Variants in ZNF160 observed in about 807,000 individuals in gnomAD.
ZNF160 encodes zinc finger protein 160.
Under a neutral mutation model 13.1 loss-of-function variants are expected in ZNF160, and 9 were observed. That is an observed-to-expected ratio of 0.69 (90% CI 0.41 to 1.20). The LOEUF (loss-of-function observed/expected upper bound fraction) is 1.20, where lower values mean the gene tolerates loss of function less well. ZNF160 is among the 50% of genes most tolerant of loss of function. The pLI, the probability that ZNF160 is intolerant of heterozygous loss-of-function variation, is 0.01. For missense variants in ZNF160, 838 were observed against 988.0 expected, an observed-to-expected ratio of 0.85 and a Z score of 2.04; for synonymous variants, 293 against 333.2, an observed-to-expected ratio of 0.88 and a Z score of 1.31.
At chr19:53,070,401 T>A in intron 5 of ZNF160, 139 bp from the exon 6 acceptor site, 4 of 965,108 alleles carry the variant, frequency 4.1e-6, no homozygotes, top group Non-Finnish European at 2.9e-6. Context: ...ATTTCAATTG[T>A]TAGGAACAAA....
chr19:53,074,199 C>T lies in ZNF160; in HGVS notation c.212G>A (p.Ser71Asn). The T allele has an allele frequency of 6.2e-7, 1 of 1,614,096 alleles. No homozygotes were observed. Among genetic ancestry groups the T allele is most frequent in the Non-Finnish European group, 8.5e-7 (1 of 1,180,008 alleles). The change falls in exon 5 of 6, where the codon AGC becomes AAC. Residue 71 changes from serine to asparagine, a missense_variant. This residue lies in a region of ZNF160 where 387 missense variants were observed against 402.3 expected (regional missense o/e 0.96). Transcript: ENST00000683776. The part of the protein sequence containing the change: ...EEGKEPWTVK[S>N]CVKIARKPRT... ...TGGTTTTCTTGCTATTTTCACACAG[C>T]TCTTCACAGTCCAGGGCTCTTTCCC...
rs2085411459 is a variant in ZNF160 at position 53,100,631 on chromosome 19, G to A, written c.-354+2634C>T. Among the ~76,000 whole-genome samples the A allele has an allele frequency of 2.0e-5, 3 of 151,356 alleles. No individual in the cohort carries two copies. The South Asian group carries it at 6.3e-4, about 32-fold the overall frequency. ...TCTCCAAAAAAAAATTAGTTAATAG[G>A]TTCTTATGTTAACGTTAAAAAAAAA... On this transcript the variant is annotated intron_variant, in intron 1 of 5. Transcript: ENST00000683776.
chr19:53,077,860 AAAC>A (rs2084460987), intron 3 of ZNF160, among the ~76,000 whole-genome samples: 1 of 152,042 alleles, frequency 6.6e-6, no homozygotes, highest in Non-Finnish European at 1.5e-5. Context: ...AAAATCAGAA[AAAC>A]AATAAATATG....
intron 1 of ZNF160, among the ~76,000 whole-genome samples, chr19:53,098,248 G>A (rs963356657): frequency 3.9e-5 from 6 of 152,140 alleles, no homozygotes; most frequent in Non-Finnish European, 8.8e-5. Context: ...GGTGCATGCA[G>A]CATTCATCCA....
chr19:53,090,403 G>A (rs923674849), intron 2 of ZNF160, among the ~76,000 whole-genome samples: 2 of 152,026 alleles, frequency 1.3e-5, no homozygotes, highest in African/African-American at 4.8e-5. Flanking sequence ...CATCCTCTGC[G>A]TTGCCATCTG....
At chr19:53,073,529 G>A in intron 5 of ZNF160, 1 of 1,591,018 alleles carries the variant, frequency 6.3e-7, no homozygotes, top group Non-Finnish European at 8.5e-7. Flanking sequence ...ACAGGAAATG[G>A]GGTGGAACAT....
rs2084079904 is a variant in ZNF160, at chr19:53,069,399, T to C, written c.1135A>G (p.Thr379Ala). The C allele has an allele frequency of 1.9e-6, 3 of 1,614,122 alleles. No individual in the cohort carries two copies. The highest frequency in any genetic ancestry group is 2.5e-6 in the Non-Finnish European group (3 of 1,180,014). ...FKCNECGKLF[T>A]QNSHLISHWR... ...TGACTTATAAGGTGTGAATTTTGAG[T>C]GAAGAGCTTGCCACATTCATTACAT... Residue 379 changes from threonine to alanine, a missense_variant, in exon 6 of 6, where the codon ACT becomes GCT. Thr to Ala is a moderately conservative substitution (Grantham distance 58). Coordinates refer to ENST00000683776, the MANE Select transcript of ZNF160 (RefSeq NM_001322131.2). This position sits in a 1 kb window ranked among gnomAD's most constrained non-coding sequence, Gnocchi z 4.4.
In ZNF160 at chr19:53,068,083, G is replaced by T. The variant is rs1168469018; in HGVS notation, c.2451C>A (p.Tyr817Ter). The T allele has an allele frequency of 1.9e-6, 3 of 1,601,356 alleles. No homozygotes were observed. Among genetic ancestry groups the T allele is most frequent in the Non-Finnish European group, 2.6e-6 (3 of 1,173,178 alleles). The part of the protein sequence containing the change: ...HHRMHTGEKP[Y>*]K ...CCTAATGACCTCACCACACTCATTT[G>T]TAAGGTTTCTCTCCGGTATGCATTC... Residue 817 changes from tyrosine (Y) to a stop codon, truncating the protein, a stop_gained, in exon 6 of 6, where the codon TAC becomes TAA. Coordinates refer to ENST00000683776, the MANE Select transcript of ZNF160 (RefSeq NM_001322131.2). LOFTEE classifies it high-confidence loss of function.
chr19:53,073,096 T>C, intron 5 of ZNF160: 1 of 1,036,094 alleles, frequency 9.7e-7, no homozygotes, highest in Non-Finnish European at 1.3e-6. Flanking sequence ...TTACTCCTAA[T>C]GTTTTCACCC....
intron 1 of ZNF160, among the ~76,000 whole-genome samples, chr19:53,099,836 C>T (rs568177409): frequency 2.0e-5 from 3 of 152,052 alleles, no homozygotes; most frequent in Non-Finnish European, 4.4e-5. Flanking sequence ...GAGGGCTAGA[C>T]GGGGAGATGT....
At chr19:53,086,088 A>G in intron 3 of ZNF160, 174 bp downstream of exon 3, 1 of 1,359,904 alleles carries the variant, frequency 7.4e-7, no homozygotes, top group Non-Finnish European at 1.0e-6. Flanking sequence ...AGTTCATGTC[A>G]CTGGATCACG....
At chr19:53,092,196 C>T (rs2085060037) in intron 1 of ZNF160, among the ~76,000 whole-genome samples, 1 of 152,080 alleles carries the variant, frequency 6.6e-6, no homozygotes, top group African/African-American at 2.4e-5. Flanking sequence ...TTTCTAAGTA[C>T]TTATTTTAAT....
intron 3 of ZNF160, 117 bp downstream of exon 3, chr19:53,086,145 G>T: frequency 7.4e-7 from 1 of 1,345,766 alleles, no homozygotes. Flanking sequence ...GAAGGCGCGG[G>T]TGAGTGCTAG....
intron 3 of ZNF160, among the ~76,000 whole-genome samples, chr19:53,084,226 C>CA (rs1568492267): frequency 6.6e-6 from 1 of 152,188 alleles, no homozygotes; most frequent in Non-Finnish European, 1.5e-5. Flanking sequence ...CCCCCTGGTA[C>CA]GTAAGGCACA....
chr19:53,101,957 T>C (rs961723073), intron 1 of ZNF160, among the ~76,000 whole-genome samples: 2 of 152,180 alleles, frequency 1.3e-5, no homozygotes, highest in African/African-American at 4.8e-5. Flanking sequence ...ACCTCTCACC[T>C]GGCCCCAGGG....
chr19:53,073,319 G>GT (rs909447008), intron 5 of ZNF160: 7 of 1,593,784 alleles, frequency 4.4e-6, no homozygotes, highest in Non-Finnish European at 5.9e-6. Context: ...TGTCTTTACG[G>GT]TTATGCTGAG....
intron 3 of ZNF160, among the ~76,000 whole-genome samples, chr19:53,082,755 C>T (rs904632827): frequency 2.6e-5 from 4 of 152,294 alleles, no homozygotes; most frequent in African/African-American, 4.8e-5. Flanking sequence ...CAGCAGACAC[C>T]GCCTGGGTAT....
At chr19:53,073,106 C>A in intron 5 of ZNF160, 1 of 1,105,650 alleles carries the variant, frequency 9.0e-7, no homozygotes. Flanking sequence ...TGTTTTCACC[C>A]AGTGACCAAC....
At position 53,090,228 on chromosome 19, in the gene ZNF160, C is replaced by T. The variant is rs73935233; in HGVS notation, c.-46+1185G>A. 6.2e-3 allele frequency among the ~76,000 whole-genome samples: 943 copies of T among 152,186 alleles called. 9 individuals carry two copies. Among genetic ancestry groups the T allele is most frequent in the African/African-American group, 0.021 (864 of 41,488 alleles). On this transcript the variant is annotated intron_variant, in intron 2 of 5. Transcript: ENST00000683776. ...ACTCCAAATTCCTCCTCCTCTCCCC[C>T]ACTCTCTGTCTGAGGAGCCTCCCCC...
Sources: gnomAD v4.1 joint callset for allele counts (sites outside exome capture counted in the v4.1 genomes callset) on GRCh38, gnomAD v4.1.1 for gene constraint, gnomAD v4.1.1 regional missense constraint, Gnocchi (gnomAD v3.1) non-coding constraint, MANE v1.5 for transcripts, NCBI Gene and HGNC (gene_info 2026-07-23, HGNC 2026-07-21) for gene names.